The following IFIT3 variants were observed in gnomAD, a reference collection of about 807,000 sequenced individuals.
IFIT3 encodes interferon induced protein with tetratricopeptide repeats 3.
A neutral mutation model predicts 2.4 loss-of-function variants in IFIT3; 2 were observed. The observed-to-expected ratio is 0.82, with a 90% confidence interval of 0.34 to 2.60. IFIT3 has a LOEUF of 2.60. IFIT3 is among the 30% of genes most tolerant of loss of function. IFIT3 has a pLI of 0.11. For missense variants in IFIT3, 481 were observed against 562.4 expected (o/e 0.86, Z 1.46); for synonymous variants, 203 against 212.1 (o/e 0.96, Z 0.37).
Position 89,335,133 on chromosome 10 carries a change from G to A in IFIT3, c.6-3528G>A, listed in dbSNP as rs919532335. ...CAAGTATCAAATACCTCATCAAATT[G>A]GAGACTTTAGGGAGTAAGGCTTAGG... On this transcript the variant is annotated intron_variant, in intron 1 of 1. Coordinates refer to ENST00000371818, the MANE Select transcript of IFIT3 (RefSeq NM_001549.6). Among the ~76,000 whole-genome samples the A allele has an allele frequency of 4.6e-5, 7 of 152,178 alleles. No homozygotes were observed. The South Asian group carries it at 8.3e-4, about 18-fold the overall frequency.
intron 1 of IFIT3, among the ~76,000 whole-genome samples, chr10:89,330,421 G>A (rs1171233780): frequency 1.3e-5 from 2 of 152,220 alleles, no homozygotes; most frequent in Admixed American, 6.5e-5. Context: ...GCCAAAAGGT[G>A]AAAGATCTTA....
At chr10:89,335,631 C>T (rs1371802767) in intron 1 of IFIT3, 2 of 151,518 alleles carry the variant, frequency 1.3e-5, no homozygotes, top group Admixed American at 6.6e-5. Flanking sequence ...TCCAACAATA[C>T]ATCCAACATC....
intron 1 of IFIT3, among the ~76,000 whole-genome samples, chr10:89,332,297 C>G (rs1843662155): frequency 6.6e-6 from 1 of 152,240 alleles, no homozygotes. Flanking sequence ...AACTTTGCCT[C>G]TTGACATAAC....
In IFIT3 at chr10:89,340,610, C is replaced by A. The variant is rs1698791389; in HGVS notation, c.*482C>A. 6.8e-6 allele frequency: 1 copy of A among 146,590 alleles called. No homozygotes were observed. The highest frequency in any genetic ancestry group is 1.5e-5 in the Non-Finnish European group (1 of 67,256). The allele number at this position is 146,590 out of a possible 1,614,324, so 9.1% of individuals were successfully genotyped here. On this transcript the variant is annotated 3_prime_UTR_variant, in exon 2 of 2. Transcript: ENST00000371818. ...TTGTTTTCTCATGTTCATTATAGTT[C>A]ATTACAGTTACATAGTCCGAAGGTC... is the stretch of plus-strand genomic sequence containing the variant.
Position 89,338,691 on chromosome 10 carries a change from C to T in IFIT3, c.36C>T (p.Ile12=), listed in dbSNP as rs945652788. The change falls in exon 2 of 2, where the codon ATC becomes ATT. Residue 12 remains isoleucine, a synonymous_variant. Transcript: ENST00000371818. The part of the protein sequence containing the change: ...SEVTKNSLEK[I]LPQLKCHFTW... ...TCACCAAGAATTCCCTGGAGAAAAT[C>T]CTTCCACAGCTGAAATGCCATTTCA... 2 of 1,613,154 alleles carry T rather than the reference C, an allele frequency of 1.2e-6. No individual in the cohort carries two copies. The highest frequency in any genetic ancestry group is 1.7e-6 in the Non-Finnish European group (2 of 1,179,290).
intron 1 of IFIT3, among the ~76,000 whole-genome samples, chr10:89,329,073 G>T (rs886935652): frequency 3.3e-5 from 5 of 152,066 alleles, no homozygotes; most frequent in African/African-American, 1.2e-4. Flanking sequence ...AGCATGTTAG[G>T]GAGAACTAAG....
At position 89,339,572 on chromosome 10, in the gene IFIT3, T is replaced by C. The variant is rs1843816928; in HGVS notation, c.917T>C (p.Met306Thr). Residue 306 changes from methionine (M) to threonine (T), a missense_variant, in exon 2 of 2, where the codon ATG becomes ACG. Met to Thr is a moderately conservative substitution (Grantham distance 81, BLOSUM62 -1). Transcript: ENST00000371818. ...GESEASGNKEMIEALKQYAMD... is the reference protein window; with the variant it reads ...GESEASGNKETIEALKQYAMD... ...TCTGAAGCTAGTGGAAATAAAGAGA[T>C]GATTGAAGCACTAAAGCAATATGCT... 4 of 1,614,048 alleles carry C rather than the reference T, an allele frequency of 2.5e-6. No homozygotes were observed. Among genetic ancestry groups the C allele is most frequent in the Non-Finnish European group, 3.4e-6 (4 of 1,180,032 alleles).
chr10:89,336,812 T>C (rs1175523307), intron 1 of IFIT3, among the ~76,000 whole-genome samples: 3 of 152,220 alleles, frequency 2.0e-5, no homozygotes, highest in African/African-American at 4.8e-5. Context: ...GGTTTAATGA[T>C]TTCTGGAGGT....
At chr10:89,332,395 A>G in intron 1 of IFIT3, 2 of 1,036,326 alleles carry the variant, frequency 1.9e-6, no homozygotes, top group Non-Finnish European at 2.6e-6. Flanking sequence ...TGTCTGGAAC[A>G]TGTTCCTGGC....
intron 1 of IFIT3, 113 bp downstream of exon 1, chr10:89,328,191 T>C (rs947570397): frequency 1.9e-6 from 2 of 1,070,008 alleles, no homozygotes; most frequent in East Asian, 2.5e-5. Flanking sequence ...AGATTCAATA[T>C]GTCTTTATCA....
At position 89,340,193 on chromosome 10, in the gene IFIT3, A is replaced by G; in HGVS notation, c.*65A>G. 6.7e-7 allele frequency: 1 copy of G among 1,492,672 alleles called. No homozygotes were observed. Among genetic ancestry groups the G allele is most frequent in the South Asian group, 1.4e-5 (1 of 71,922 alleles). The allele number at this position is 1,492,672 out of a possible 1,614,324, so 92.5% of individuals were successfully genotyped here. A position where few individuals can be genotyped will look rare whatever the true frequency, so the allele number is the denominator to read the frequency against. ...TGGTTGTGACGGGTAGGACGATAGG[A>G]AGACAGGGGGCCCCAACCTGGGATT... On this transcript the variant is annotated 3_prime_UTR_variant, in exon 2 of 2. Transcript: ENST00000371818.
Position 89,339,347 on chromosome 10 carries a change from A to T in IFIT3, c.692A>T (p.Glu231Val), listed in dbSNP as rs760431631. The stretch of plus-strand genomic sequence containing the variant: ...GAAGCTGAAGGAGAGCAGTTTGTTG[A>T]AGAAGCCTTGGAAAAGTCTCCTTGC... ...NKEAEGEQFV[E>V]EALEKSPCQT... Residue 231 changes from glutamate to valine, a missense_variant, in exon 2 of 2, where the codon GAA becomes GTA. Transcript: ENST00000371818. 1.9e-6 allele frequency: 3 copies of T among 1,613,688 alleles called. No individual in the cohort carries two copies. The Admixed American group carries it at 5.0e-5, about 27-fold the overall frequency.
At chr10:89,334,780 C>T (rs12261273) in intron 1 of IFIT3, among the ~76,000 whole-genome samples, 9,419 of 151,924 alleles carry the variant, frequency 0.062, 704 homozygotes, top group African/African-American at 0.18. Context: ...TGTGAGCCAC[C>T]GCGCCCGGCC....
Position 89,338,756 on chromosome 10 carries a change from T to A in IFIT3, c.101T>A (p.Leu34Gln). 1 of 1,614,072 alleles carries A rather than the reference T, an allele frequency of 6.2e-7. No homozygotes were observed. Among genetic ancestry groups the A allele is most frequent in the Non-Finnish European group, 8.5e-7 (1 of 1,179,900 alleles). The change falls in exon 2 of 2, where the codon CTA becomes CAA. Residue 34 changes from leucine (L) to glutamine (Q), a missense_variant. Coordinates refer to ENST00000371818, the MANE Select transcript of IFIT3 (RefSeq NM_001549.6). ...AAGGAAGACAGTGTCTCAAGGGATC[T>A]AGAAGATAGAGTGTGTAACCAGATT... Reference protein sequence around the residue: ...LFKEDSVSRDLEDRVCNQIEF... With the variant: ...LFKEDSVSRDQEDRVCNQIEF...
rs1277064265 is a variant in IFIT3 at position 89,338,769 on chromosome 10, G to A, written c.114G>A (p.Val38=). 3 of 1,614,146 alleles carry A rather than the reference G, an allele frequency of 1.9e-6. No homozygotes were observed. The highest frequency in any genetic ancestry group is 1.7e-6 in the Non-Finnish European group (2 of 1,179,976). Residue 38 remains valine, a synonymous_variant, in exon 2 of 2, where the codon GTG becomes GTA. Transcript: ENST00000371818. ...DSVSRDLEDR[V]CNQIEFLNTE... ...TCTCAAGGGATCTAGAAGATAGAGT[G>A]TGTAACCAGATTGAATTTTTAAACA...
At chr10:89,331,741 C>T (rs1843653594) in intron 1 of IFIT3, among the ~76,000 whole-genome samples, 1 of 151,002 alleles carries the variant, frequency 6.6e-6, no homozygotes, top group Non-Finnish European at 1.5e-5. Flanking sequence ...TGCCTATAGT[C>T]TCATTGACTG....
intron 1 of IFIT3, among the ~76,000 whole-genome samples, chr10:89,329,858 C>G (rs755028712): frequency 6.6e-6 from 1 of 151,722 alleles, no homozygotes; most frequent in Admixed American, 6.6e-5. Context: ...GGGCTGAGTC[C>G]GAAAAGAAAG....
chr10:89,328,512 T>TTC (rs1564787127), intron 1 of IFIT3, among the ~76,000 whole-genome samples: 1 of 152,172 alleles, frequency 6.6e-6, no homozygotes, highest in African/African-American at 2.4e-5. Flanking sequence ...AGGCTTTTTT[T>TTC]CTTGTAATTT....
intron 1 of IFIT3, among the ~76,000 whole-genome samples, chr10:89,330,624 G>A (rs1418882899): frequency 6.6e-6 from 1 of 152,178 alleles, no homozygotes; most frequent in African/African-American, 2.4e-5. Context: ...GAAGGGAAAA[G>A]GAAATTCATC....
Sources: allele counts gnomAD v4.1 joint callset (sites outside exome capture counted in the v4.1 genomes callset), GRCh38; gene constraint gnomAD v4.1.1; transcripts MANE v1.5; gene names NCBI Gene and HGNC (gene_info 2026-07-23, HGNC 2026-07-21).